EXOC2: variants seen among roughly 807,000 people sequenced by gnomAD.
EXOC2 encodes exocyst complex component 2.
A neutral mutation model predicts 131.8 loss-of-function variants in EXOC2; 70 were observed. That is an observed-to-expected ratio of 0.53 (90% CI 0.44 to 0.65). The LOEUF (loss-of-function observed/expected upper bound fraction) is 0.65, where lower values mean the gene tolerates loss of function less well. EXOC2 is among the 30% of genes least tolerant of loss of function. EXOC2 has a pLI of 0.00. For missense variants in EXOC2, 923 were observed against 1,108.6 expected, an observed-to-expected ratio of 0.83 and a Z score of 2.38; for synonymous variants, 411 against 398.4, an observed-to-expected ratio of 1.03 and a Z score of -0.38.
intron 23 of EXOC2, among the ~76,000 whole-genome samples, chr6:507,368 A>T (rs1309431446): frequency 2.3e-5 from 1 of 43,866 alleles, no homozygotes; most frequent in Non-Finnish European, 9.2e-5. Context: ...CCACACACAC[A>T]CACACACACA....
chr6:675,349 T>C (rs1037278277), intron 1 of EXOC2, among the ~76,000 whole-genome samples: 1 of 152,252 alleles, frequency 6.6e-6, no homozygotes, highest in African/African-American at 2.4e-5. Context: ...TAGGGGGAAC[T>C]GGCCATGGTA....
chr6:542,968 C>T (rs1001159886), intron 22 of EXOC2, among the ~76,000 whole-genome samples: 1 of 152,150 alleles, frequency 6.6e-6, no homozygotes, highest in African/African-American at 2.4e-5. Flanking sequence ...ACAAGAGGAG[C>T]TCTGGGTTTT....
At chr6:562,947 A>G in intron 16 of EXOC2, 102 bp from the exon 17 acceptor site, 1 of 795,434 alleles carries the variant, frequency 1.3e-6, no homozygotes, top group Non-Finnish European at 1.8e-6. Context: ...TGTTTTATAT[A>G]GGTTTGTAAA....
chr6:525,662 A>G (rs1581367381), intron 23 of EXOC2: 1 of 152,342 alleles, frequency 6.6e-6, no homozygotes, highest in African/African-American at 2.4e-5. Flanking sequence ...ATAAAAATAC[A>G]TCTATTCTGC....
chr6:599,734 C>T (rs1446841735), intron 7 of EXOC2, among the ~76,000 whole-genome samples: 10 of 152,246 alleles, frequency 6.6e-5, no homozygotes, highest in East Asian at 1.9e-4. Context: ...ATTACCTCTA[C>T]GTAGCAGGCA....
chr6:622,935 T>C (rs778338984), intron 4 of EXOC2, among the ~76,000 whole-genome samples: 10 of 152,226 alleles, frequency 6.6e-5, no homozygotes, highest in Non-Finnish European at 1.5e-4. Flanking sequence ...TATCATAACA[T>C]AAAGGCCTGA....
rs141317150 is a variant in EXOC2, at chr6:691,479, T to C, written c.-44+1540A>G. 9.6e-3 allele frequency among the ~76,000 whole-genome samples: 1,467 copies of C among 152,358 alleles called. 14 individuals carry two copies. The highest frequency in any genetic ancestry group is 0.033 in the African/African-American group (1,366 of 41,590). ...ACTATGGGGATAATAACCTTCATGA[T>C]TCTCCACTTTCATTTAAAGAAGAGT... On this transcript the variant is annotated intron_variant, in intron 1 of 27. Coordinates refer to ENST00000230449, the MANE Select transcript of EXOC2 (RefSeq NM_018303.6).
At chr6:616,579 G>C (rs1398447925) in intron 6 of EXOC2, among the ~76,000 whole-genome samples, 1 of 129,182 alleles carries the variant, frequency 7.7e-6, no homozygotes, top group African/African-American at 2.8e-5. Context: ...CTCCCGCCTG[G>C]GCGACAGAGC....
At chr6:513,090 A>G (rs139728332) in intron 23 of EXOC2, among the ~76,000 whole-genome samples, 66 of 152,316 alleles carry the variant, frequency 4.3e-4, no homozygotes, top group African/African-American at 1.5e-3. Flanking sequence ...TTTCCAGCAG[A>G]GCCGTTATGA....
chr6:527,861 T>C (rs1363801766), intron 23 of EXOC2, among the ~76,000 whole-genome samples: 2 of 151,192 alleles, frequency 1.3e-5, no homozygotes, highest in Admixed American at 1.3e-4. Context: ...TTTATGACTT[T>C]TTGATAGAAA....
At chr6:488,837 G>C in intron 27 of EXOC2, 142 bp downstream of exon 27, 1 of 770,822 alleles carries the variant, frequency 1.3e-6, no homozygotes, top group East Asian at 2.7e-5. Flanking sequence ...ACGCTATTAA[G>C]TAGGTATATC....
chr6:515,416 AT>A (rs1464537623), intron 23 of EXOC2, among the ~76,000 whole-genome samples: 1 of 152,220 alleles, frequency 6.6e-6, no homozygotes, highest in African/African-American at 2.4e-5. Context: ...CTTTCCTGTC[AT>A]GGCTGTTGCT....
chr6:570,408 TA>T (rs1554130451), intron 13 of EXOC2, among the ~76,000 whole-genome samples: 1 of 152,208 alleles, frequency 6.6e-6, no homozygotes, highest in Non-Finnish European at 1.5e-5. Flanking sequence ...GCTGGGATTA[TA>T]GGCATGAGCC....
intron 1 of EXOC2, among the ~76,000 whole-genome samples, chr6:641,975 AACC>A (rs1762374330): frequency 6.6e-6 from 1 of 152,160 alleles, no homozygotes; most frequent in African/African-American, 2.4e-5. Flanking sequence ...CACAGCCCAC[AACC>A]TCCTCCACAT....
chr6:567,680 T>G (rs991513494), intron 13 of EXOC2, among the ~76,000 whole-genome samples: 6 of 151,976 alleles, frequency 3.9e-5, no homozygotes, highest in African/African-American at 1.4e-4. Context: ...TGTGTGTCTG[T>G]TGTGTGTGTG....
intron 25 of EXOC2, among the ~76,000 whole-genome samples, chr6:493,627 C>T (rs1763559561): frequency 6.6e-6 from 1 of 152,220 alleles, no homozygotes; most frequent in South Asian, 2.1e-4. Context: ...TCACCAAGCT[C>T]TCAGGACAGT....
chr6:599,417 T>C (rs1760003252), intron 7 of EXOC2, among the ~76,000 whole-genome samples, 192 bp from the exon 8 acceptor site: 1 of 152,228 alleles, frequency 6.6e-6, no homozygotes, highest in East Asian at 1.9e-4. Context: ...TCTTTTCATA[T>C]GTTAAGAATG....
chr6:536,591 A>C (rs1404952260), intron 22 of EXOC2, among the ~76,000 whole-genome samples: 1 of 152,206 alleles, frequency 6.6e-6, no homozygotes, highest in Non-Finnish European at 1.5e-5. Flanking sequence ...AAATAGCCCA[A>C]ACAATTTAAA....
chr6:692,696 A>T (rs924314428), intron 1 of EXOC2, among the ~76,000 whole-genome samples: 2 of 152,276 alleles, frequency 1.3e-5, no homozygotes, highest in African/African-American at 2.4e-5. Context: ...GAAGCGGCGC[A>T]GTCTGGGGCC....
Sources: gnomAD v4.1 joint callset for allele counts (sites outside exome capture counted in the v4.1 genomes callset) on GRCh38, gnomAD v4.1.1 for gene constraint, MANE v1.5 for transcripts, NCBI Gene and HGNC (gene_info 2026-07-23, HGNC 2026-07-21) for gene names.